The following STPG2 variants were observed in gnomAD, a reference collection of about 807,000 sequenced individuals.
STPG2 encodes sperm tail PG-rich repeat containing 2.
In STPG2, 56 loss-of-function variants were observed where a neutral mutation model predicts 54.2. That is an observed-to-expected ratio of 1.03 (90% CI 0.83 to 1.29). STPG2 has a LOEUF of 1.29. STPG2 is among the 50% of genes most tolerant of loss of function. STPG2 has a pLI of 0.00. For synonymous variants in STPG2, 200 were observed against 181.8 expected (o/e 1.10, Z -0.81); for missense variants, 596 against 544.9 (o/e 1.09, Z -0.93).
chr4:97,574,359 A>G (rs1350653583), intron 10 of STPG2, among the ~76,000 whole-genome samples: 4 of 152,074 alleles, frequency 2.6e-5, no homozygotes, highest in South Asian at 2.1e-4. Flanking sequence ...ACAAATTTAT[A>G]TAAGTTTTAT....
chr4:98,019,497 C>T lies in STPG2; in HGVS notation c.613-38179G>A, dbSNP rs961758812. 6.0e-4 allele frequency among the ~76,000 whole-genome samples: 91 copies of T among 151,846 alleles called. 3 individuals are homozygous for T. Among genetic ancestry groups the T allele is most frequent in the Admixed American group, 3.3e-3 (51 of 15,228 alleles). On this transcript the variant is annotated intron_variant, in intron 5 of 10. Transcript: ENST00000295268. ...TTGGCTTAGGATTGACTTGGCGATGCGGGCTCTTTTTTGGTTCCATATGAA... is the reference window on the plus strand; with the variant it reads ...TTGGCTTAGGATTGACTTGGCGATGTGGGCTCTTTTTTGGTTCCATATGAA...
rs144908187 is a variant in STPG2 at position 97,968,628 on chromosome 4, C to G, written c.933+3652G>C. On this transcript the variant is annotated intron_variant, in intron 7 of 10. Transcript: ENST00000295268. ...TCATCCCTGAGATGCAAGGCTGGTT[C>G]AACATATGCAAATCAGTAAACATAA... 1.0e-2 allele frequency among the ~76,000 whole-genome samples: 1,521 copies of G among 152,242 alleles called. 12 individuals are homozygous for G. The highest frequency in any genetic ancestry group is 0.015 in the Admixed American group (228 of 15,296).
At chr4:97,550,547 T>C (rs766800146) in intron 4 of STPG2, among the ~76,000 whole-genome samples, 4 of 152,208 alleles carry the variant, frequency 2.6e-5, no homozygotes, top group South Asian at 2.1e-4. Context: ...TTGTATGGAA[T>C]ATTATAACAC....
chr4:97,518,306 A>C (rs971822192), intron 4 of STPG2, among the ~76,000 whole-genome samples: 8 of 152,100 alleles, frequency 5.3e-5, no homozygotes, highest in Non-Finnish European at 1.0e-4. Context: ...AACTATAAAA[A>C]CACCAAGATA....
intron 4 of STPG2, among the ~76,000 whole-genome samples, chr4:97,455,377 T>C (rs1423133373): frequency 2.6e-5 from 4 of 151,810 alleles, no homozygotes; most frequent in Non-Finnish European, 5.9e-5. Context: ...CCTGTGCCTA[T>C]AAAAACCCCG....
chr4:97,812,267 T>G (rs1727763800), intron 9 of STPG2, among the ~76,000 whole-genome samples: 1 of 152,102 alleles, frequency 6.6e-6, no homozygotes, highest in East Asian at 1.9e-4. Context: ...ATTCAAAAAA[T>G]TACAGATGAT....
At chr4:98,050,419 T>C (rs1424706501) in intron 5 of STPG2, among the ~76,000 whole-genome samples, 2 of 151,502 alleles carry the variant, frequency 1.3e-5, no homozygotes, top group African/African-American at 4.8e-5. Flanking sequence ...GTGTTTGTTT[T>C]GCATTATTCA....
At chr4:97,513,608 A>G (rs969232262) in intron 4 of STPG2, among the ~76,000 whole-genome samples, 1 of 152,120 alleles carries the variant, frequency 6.6e-6, no homozygotes, top group African/African-American at 2.4e-5. Flanking sequence ...ATGAAGTCCA[A>G]ATATATACAT....
At chr4:98,138,665 T>C (rs4699331) in intron 1 of STPG2, among the ~76,000 whole-genome samples, 60,115 of 151,930 alleles carry the variant, frequency 0.4, 12,137 homozygotes, top group Middle Eastern at 0.46. Context: ...TTAAAAAAGA[T>C]AGATTGCATT....
chr4:97,782,205 C>T (rs1179646279), intron 9 of STPG2, among the ~76,000 whole-genome samples: 1 of 152,160 alleles, frequency 6.6e-6, no homozygotes, highest in Admixed American at 6.5e-5. Context: ...CCCAAAATCT[C>T]CTTAAGCTGA....
chr4:97,943,826 A>C, intron 8 of STPG2, 71 bp downstream of exon 8: 2 of 1,164,000 alleles, frequency 1.7e-6, no homozygotes, highest in South Asian at 3.2e-5. Context: ...TCCTAATATA[A>C]TGTTTATGTT....
chr4:97,441,808 T>G (rs1235564716), intron 4 of STPG2, among the ~76,000 whole-genome samples: 1 of 152,078 alleles, frequency 6.6e-6, no homozygotes, highest in Non-Finnish European at 1.5e-5. Context: ...GAAGTATATA[T>G]TCTGCAATTG....
At chr4:97,873,446 A>G (rs1189752943) in intron 8 of STPG2, among the ~76,000 whole-genome samples, 2 of 151,496 alleles carry the variant, frequency 1.3e-5, no homozygotes, top group African/African-American at 2.4e-5. Flanking sequence ...CAGTGTTCAA[A>G]AGTTTTAGAT....
At chr4:97,694,771 C>CCGAGAT (rs1175645700) in intron 10 of STPG2, among the ~76,000 whole-genome samples, 20 of 115,280 alleles carry the variant, frequency 1.7e-4, no homozygotes, top group Non-Finnish European at 1.6e-5. Flanking sequence ...CGAGATCATG[C>CCGAGAT]CACTGTACTC....
intron 10 of STPG2, among the ~76,000 whole-genome samples, chr4:97,629,784 T>A (rs1465694506): frequency 1.3e-5 from 2 of 151,766 alleles, no homozygotes; most frequent in African/African-American, 4.8e-5. Flanking sequence ...ATAGAAGGAA[T>A]GAAAGTAGGA....
chr4:97,518,507 A>G (rs1731119388), intron 4 of STPG2, among the ~76,000 whole-genome samples: 1 of 152,180 alleles, frequency 6.6e-6, no homozygotes, highest in Non-Finnish European at 1.5e-5. Flanking sequence ...TGCAATGAGT[A>G]TACATTTAAG....
chr4:97,556,465 TTACCTAA>T (rs1732080866), downstream of STPG2, among the ~76,000 whole-genome samples: 1 of 152,084 alleles, frequency 6.6e-6, no homozygotes, highest in African/African-American at 2.4e-5. Context: ...CTAGAGAAAA[TTACCTAA>T]TACAATTTTC....
At chr4:97,792,010 TAGAGA>T (rs1439928710) in intron 9 of STPG2, among the ~76,000 whole-genome samples, 1 of 151,672 alleles carries the variant, frequency 6.6e-6, no homozygotes, top group Admixed American at 6.6e-5. Context: ...TGAAAACAGG[TAGAGA>T]AAAGACAAAT....
At chr4:98,033,016 T>C (rs1736648390) in intron 5 of STPG2, among the ~76,000 whole-genome samples, 1 of 151,434 alleles carries the variant, frequency 6.6e-6, no homozygotes, top group South Asian at 2.1e-4. Flanking sequence ...CACCCTAACA[T>C]CACAATTAAA....
Sources: allele counts gnomAD v4.1 joint callset (sites outside exome capture counted in the v4.1 genomes callset), GRCh38; gene constraint gnomAD v4.1.1; transcripts MANE v1.5; gene names NCBI Gene and HGNC (gene_info 2026-07-23, HGNC 2026-07-21).